Variants in EMILIN2 observed in about 807,000 individuals in gnomAD.
EMILIN2 encodes elastin microfibril interfacer 2.
In EMILIN2, 71 loss-of-function variants were observed where a neutral mutation model predicts 87.1. The observed-to-expected ratio is 0.82, with a 90% CI of 0.67 to 0.99. The LOEUF (loss-of-function observed/expected upper bound fraction) is 0.99, where lower values mean the gene tolerates loss of function less well. EMILIN2 is among the 50% of genes least tolerant of loss of function. The pLI is 0.00. For synonymous variants in EMILIN2, 581 were observed against 563.4 expected (o/e 1.03, Z -0.44); for missense variants, 1,407 against 1,371.8 (o/e 1.03, Z -0.40).
chr18:2,891,970 T>G lies in EMILIN2; in HGVS notation c.1843T>G (p.Leu615Val). 1.2e-6 allele frequency: 2 copies of G among 1,614,156 alleles called. No homozygotes were observed. The highest frequency in any genetic ancestry group is 1.7e-6 in the Non-Finnish European group (2 of 1,180,024). ...QQDFSFLYSQLNHTENDVTHL... is the reference protein window; with the variant it reads ...QQDFSFLYSQVNHTENDVTHL... ...GGATTTTAGTTTTCTTTATTCTCAA[T>G]TAAACCACACAGAAAATGATGTGAC... is the stretch of plus-strand genomic sequence containing the variant. Residue 615 changes from leucine to valine, a missense_variant, in exon 4 of 8, where the codon TTA becomes GTA. Coordinates refer to ENST00000254528, the MANE Select transcript of EMILIN2 (RefSeq NM_032048.3). This position sits in a 1 kb window ranked among gnomAD's most constrained non-coding sequence, Gnocchi z 4.6.
chr18:2,851,824 T>C (rs1214606588), intron 2 of EMILIN2, among the ~76,000 whole-genome samples: 1 of 152,234 alleles, frequency 6.6e-6, no homozygotes, highest in Non-Finnish European at 1.5e-5. Flanking sequence ...AGGCCCCATG[T>C]TAGGGCTTTC....
At chr18:2,856,178 C>T (rs1317904817) in intron 2 of EMILIN2, among the ~76,000 whole-genome samples, 1 of 151,984 alleles carries the variant, frequency 6.6e-6, no homozygotes, top group African/African-American at 2.4e-5. Context: ...AGTTTGAATC[C>T]AGCCTGGGCA....
chr18:2,858,567 A>ATGTGTGTGTGTG (rs1456011795), intron 2 of EMILIN2, among the ~76,000 whole-genome samples: 2 of 58,814 alleles, frequency 3.4e-5, no homozygotes, highest in African/African-American at 2.3e-4. Context: ...ATATATATAT[A>ATGTGTGTGTGTG]TATGTGTGTG....
chr18:2,892,098 G>A lies in EMILIN2; in HGVS notation c.1971G>A (p.Pro657=), dbSNP rs61740991. The A allele has an allele frequency of 2.7e-3, 4,427 of 1,613,772 alleles. 81 individuals are homozygous for A. In the African/African-American group the frequency reaches 0.047, roughly 17 times the overall value. ...GEQERTVDTL[P]SPQHPVAHCC... is the part of the protein sequence containing the mutation. ...AAGAAAGGACAGTGGACACCCTGCC[G>A]TCCCCCCAGCACCCCGTGGCTCATT... The change falls in exon 4 of 8, where the codon CCG becomes CCA. Residue 657 remains proline (P), a synonymous_variant. Transcript: ENST00000254528.
chr18:2,873,608 G>A (rs1480226612), intron 2 of EMILIN2, among the ~76,000 whole-genome samples: 1 of 151,782 alleles, frequency 6.6e-6, no homozygotes, highest in African/African-American at 2.4e-5. Context: ...TCGGGAGGCT[G>A]AGGCAGGAGA....
chr18:2,873,058 AAAAC>A (rs1464939069), intron 2 of EMILIN2, among the ~76,000 whole-genome samples: 5 of 143,356 alleles, frequency 3.5e-5, no homozygotes, highest in Admixed American at 1.3e-4. Context: ...TTAAAAAAAA[AAAAC>A]AAAACCAAAA....
At chr18:2,869,437 C>T (rs1790992) in intron 2 of EMILIN2, among the ~76,000 whole-genome samples, 1 of 151,882 alleles carries the variant, frequency 6.6e-6, no homozygotes, top group Non-Finnish European at 1.5e-5. Flanking sequence ...CCACGTACCC[C>T]CTCCCTGGGA....
rs184388730 is a variant in EMILIN2 at position 2,894,235 on chromosome 18, C to T, written c.2359+1749C>T. 1.3e-5 allele frequency among the ~76,000 whole-genome samples: 2 copies of T among 152,246 alleles called. No homozygotes were observed. Among genetic ancestry groups the T allele is most frequent in the East Asian group, 3.9e-4 (2 of 5,176 alleles). The stretch of plus-strand genomic sequence containing the variant: ...GAGAGCCAGGGCCAGGTCCTGGCAG[C>T]TCAGGAGGGTGGAGAGGGTCCGAGG... On this transcript the variant is annotated intron_variant, in intron 4 of 7. Coordinates refer to ENST00000254528, the MANE Select transcript of EMILIN2 (RefSeq NM_032048.3). The surrounding 1 kb of genome is among the most constrained non-coding windows in gnomAD (Gnocchi z 5.0).
At chr18:2,906,540 G>A (rs1034817679) in intron 4 of EMILIN2, 2 of 354,522 alleles carry the variant, frequency 5.6e-6, no homozygotes, top group African/African-American at 2.1e-5. Context: ...AGCCGTCTGC[G>A]CCGGAGAGGC....
In EMILIN2 at chr18:2,894,437, C is replaced by T; in HGVS notation, c.2359+1951C>T. Among the ~76,000 whole-genome samples the T allele has an allele frequency of 6.6e-6, 1 of 152,200 alleles. No individual in the cohort carries two copies. The highest frequency in any genetic ancestry group is 2.1e-4 in the South Asian group (1 of 4,830). On this transcript the variant is annotated intron_variant, in intron 4 of 7. Coordinates refer to ENST00000254528, the MANE Select transcript of EMILIN2 (RefSeq NM_032048.3). This position sits in a 1 kb window ranked among gnomAD's most constrained non-coding sequence, Gnocchi z 5.0. ...CCAGGGCCACTCAGCTCCTCTATCT[C>T]TGGAATGTTGAGTAGAGGTCACAAG...
chr18:2,873,687 A>G (rs1023670307), intron 2 of EMILIN2, among the ~76,000 whole-genome samples: 5 of 152,068 alleles, frequency 3.3e-5, no homozygotes, highest in Non-Finnish European at 7.3e-5. Context: ...AGCCTGGGCG[A>G]CAGAGCAAGA....
chr18:2,899,401 G>C (rs1169244488), intron 4 of EMILIN2, among the ~76,000 whole-genome samples: 1 of 152,184 alleles, frequency 6.6e-6, no homozygotes, highest in African/African-American at 2.4e-5. Flanking sequence ...GGTCTCTCCT[G>C]GTGGCTTACT....
At chr18:2,863,730 T>C (rs1351169664) in intron 2 of EMILIN2, among the ~76,000 whole-genome samples, 1 of 152,240 alleles carries the variant, frequency 6.6e-6, no homozygotes, top group Non-Finnish European at 1.5e-5. Flanking sequence ...TAGATGTCTA[T>C]TAGGTCCACT....
At chr18:2,905,234 C>T (rs1199156832) in intron 4 of EMILIN2, among the ~76,000 whole-genome samples, 1 of 124,358 alleles carries the variant, frequency 8.0e-6, no homozygotes, top group East Asian at 2.5e-4. Context: ...GAACATTGGT[C>T]AGGAAAGGCT....
Position 2,859,484 on chromosome 18 carries a change from T to C in EMILIN2, c.257+11553T>C, listed in dbSNP as rs1784741. Among the ~76,000 whole-genome samples, 190 of 152,322 alleles carry C rather than the reference T, an allele frequency of 1.2e-3. 4 individuals are homozygous for C. The East Asian group carries it at 0.036, about 29-fold the overall frequency. ...CTGGATATTAGTCCTTTGTCAGATG[T>C]ATAGACTGTGAAGATTTTCTCCTAC... On this transcript the variant is annotated intron_variant, in intron 2 of 7. Transcript: ENST00000254528.
rs1214681989 is a variant in EMILIN2, at chr18:2,864,275, G to A, written c.257+16344G>A. ...TCATCCTGTCATTATGTTGTTAGCT[G>A]GTTATTTTGCTCATTAGTTGATGCA... On this transcript the variant is annotated intron_variant, in intron 2 of 7. Transcript: ENST00000254528. Among the ~76,000 whole-genome samples the A allele has an allele frequency of 7.9e-5, 12 of 152,276 alleles. No homozygotes were observed. In the East Asian group the frequency reaches 2.3e-3, roughly 29 times the overall value.
In EMILIN2 at chr18:2,911,984, C is replaced by T. The variant is rs114099315; in HGVS notation, c.2825-1083C>T. 2.1e-3 allele frequency among the ~76,000 whole-genome samples: 317 copies of T among 151,356 alleles called. 4 individuals are homozygous for T. Among genetic ancestry groups the T allele is most frequent in the African/African-American group, 7.3e-3 (299 of 41,150 alleles). ...TGGGAAGGGGACTGGGTAGCCAGAC[C>T]TCTTCTGTTTTCCAGAGCAGATTGA... On this transcript the variant is annotated intron_variant, in intron 7 of 7. Coordinates refer to ENST00000254528, the MANE Select transcript of EMILIN2 (RefSeq NM_032048.3).
rs918567193 is a variant in EMILIN2, at chr18:2,847,665, C to A, written c.135-144C>A. 2.2e-6 allele frequency: 3 copies of A among 1,337,530 alleles called. No individual in the cohort carries two copies. The highest frequency in any genetic ancestry group is 3.0e-6 in the Non-Finnish European group (3 of 1,014,572). 82.9% of individuals were successfully genotyped at this position (1,337,530 alleles called of 1,614,324 possible). ...GGCGCACCCGGGCACCCTCCGGCGT[C>A]TGCTCGGTGAAGCTCCCGCCTCCGC... On this transcript the variant is annotated intron_variant, in intron 1 of 7. Transcript: ENST00000254528. This position sits in a 1 kb window ranked among gnomAD's most constrained non-coding sequence, Gnocchi z 4.5.
chr18:2,869,921 G>A (rs910959810), intron 2 of EMILIN2, among the ~76,000 whole-genome samples: 2 of 152,022 alleles, frequency 1.3e-5, no homozygotes, highest in Non-Finnish European at 2.9e-5. Flanking sequence ...CAACTGATAT[G>A]GGAAATACAT....
Sources: gnomAD v4.1 joint callset for allele counts (sites outside exome capture counted in the v4.1 genomes callset) on GRCh38, gnomAD v4.1.1 for gene constraint, Gnocchi (gnomAD v3.1) non-coding constraint, MANE v1.5 for transcripts, NCBI Gene and HGNC (gene_info 2026-07-23, HGNC 2026-07-21) for gene names.